Variants in ITGA1 observed in about 807,000 individuals in gnomAD.
ITGA1 encodes the protein integrin subunit alpha 1.
Under a neutral mutation model 145.9 loss-of-function variants are expected in ITGA1, and 85 were observed. The ratio of observed to expected loss-of-function variants is 0.58; its 90% confidence interval spans 0.49 to 0.70. The LOEUF (loss-of-function observed/expected upper bound fraction) is 0.70. Among genes scored for constraint, ITGA1 ranks in the 30% least tolerant of loss-of-function variants. The probability of loss-of-function intolerance (pLI) is 0.00; values close to 1 mark genes in which losing one functional copy is unlikely to be tolerated. For missense variants in ITGA1, 1,351 were observed against 1,418.7 expected (o/e 0.95, Z 0.77); for synonymous variants, 520 against 495.3 (o/e 1.05, Z -0.66).
intron 1 of ITGA1, among the ~76,000 whole-genome samples, chr5:52,791,509 A>AT (rs1413872539): frequency 6.6e-6 from 1 of 152,222 alleles, no homozygotes; most frequent in Non-Finnish European, 1.5e-5. Context: ...CCACCCTCTG[A>AT]TGTCTTGCTC....
chr5:52,811,980 T>C (rs1580040243), intron 1 of ITGA1, among the ~76,000 whole-genome samples: 1 of 152,186 alleles, frequency 6.6e-6, no homozygotes, highest in East Asian at 1.9e-4. Flanking sequence ...CCCAGGCATC[T>C]GTACATTTTA....
intron 11 of ITGA1, among the ~76,000 whole-genome samples, chr5:52,901,207 A>T (rs2111834609): frequency 6.6e-6 from 1 of 152,302 alleles, no homozygotes; most frequent in South Asian, 2.1e-4. Context: ...TTGGCTTTAA[A>T]GATGGAGGGG....
chr5:52,934,045 A>G (rs1750930595), intron 23 of ITGA1, 49 bp downstream of exon 23: 2 of 699,280 alleles, frequency 2.9e-6, no homozygotes, highest in South Asian at 3.3e-5. Context: ...ATTTGTAAAT[A>G]TATAAATTAA....
At chr5:52,892,247 T>C (rs929103334) in intron 8 of ITGA1, among the ~76,000 whole-genome samples, 2 of 152,142 alleles carry the variant, frequency 1.3e-5, no homozygotes, top group Non-Finnish European at 2.9e-5. Flanking sequence ...CTCAACATCA[T>C]TAGTCATTAG....
chr5:52,864,169 A>T (rs1368429163), intron 3 of ITGA1, among the ~76,000 whole-genome samples: 1 of 152,102 alleles, frequency 6.6e-6, no homozygotes, highest in Non-Finnish European at 1.5e-5. Context: ...TTAGGCTGGC[A>T]TGCTTCATGC....
chr5:52,844,603 T>G (rs1749306066), intron 1 of ITGA1, among the ~76,000 whole-genome samples: 1 of 152,206 alleles, frequency 6.6e-6, no homozygotes, highest in Non-Finnish European at 1.5e-5. Context: ...GCAAATTAAA[T>G]GAGAGTAACA....
At chr5:52,900,535 A>G (rs1368547424) in intron 11 of ITGA1, among the ~76,000 whole-genome samples, 2 of 152,192 alleles carry the variant, frequency 1.3e-5, no homozygotes, top group African/African-American at 4.8e-5. Context: ...GCCCGAAAAT[A>G]TGCAGGTAGT....
chr5:52,805,784 C>T (rs1030500911), intron 1 of ITGA1, among the ~76,000 whole-genome samples: 1 of 151,982 alleles, frequency 6.6e-6, no homozygotes, highest in Non-Finnish European at 1.5e-5. Flanking sequence ...ATTTGTCTCA[C>T]CAGACAAATC....
chr5:52,883,530 T>G (rs1467014552), intron 7 of ITGA1, among the ~76,000 whole-genome samples: 2 of 152,250 alleles, frequency 1.3e-5, no homozygotes, highest in Non-Finnish European at 2.9e-5. Context: ...AAGCACATTT[T>G]AATTGTTTTT....
intron 7 of ITGA1, among the ~76,000 whole-genome samples, chr5:52,883,361 A>G (rs1344080375): frequency 6.6e-6 from 1 of 152,236 alleles, no homozygotes; most frequent in Non-Finnish European, 1.5e-5. Flanking sequence ...CTGCATAAAT[A>G]CGGCTCTAAA....
At chr5:52,850,017 T>TTC (rs1195988156) in intron 2 of ITGA1, among the ~76,000 whole-genome samples, 2 of 151,784 alleles carry the variant, frequency 1.3e-5, no homozygotes, top group African/African-American at 2.4e-5. Flanking sequence ...TTTTTTTTTT[T>TTC]TCTGAGATGG....
intron 1 of ITGA1, chr5:52,802,866 A>T (rs1748516536): frequency 6.6e-6 from 1 of 152,150 alleles, no homozygotes; most frequent in African/African-American, 2.4e-5. Flanking sequence ...CTTTACTATC[A>T]TTGACTTAAA....
At chr5:52,855,958 A>C (rs1161482962) in intron 2 of ITGA1, among the ~76,000 whole-genome samples, 1 of 151,934 alleles carries the variant, frequency 6.6e-6, no homozygotes, top group Non-Finnish European at 1.5e-5. Flanking sequence ...GGGCTCCTAC[A>C]CTCTACCACT....
At chr5:52,817,595 G>A (rs1172896606) in intron 1 of ITGA1, among the ~76,000 whole-genome samples, 2 of 152,110 alleles carry the variant, frequency 1.3e-5, no homozygotes, top group African/African-American at 2.4e-5. Flanking sequence ...TCATTCCAAG[G>A]AAAGGCTAGA....
rs114083854 is a variant in ITGA1, at chr5:52,881,001, C to T, written c.625-872C>T. 2.1e-3 allele frequency among the ~76,000 whole-genome samples: 315 copies of T among 152,260 alleles called. 1 individual carries two copies. Among genetic ancestry groups the T allele is most frequent in the African/African-American group, 7.0e-3 (291 of 41,558 alleles). ...GGAAATCAAATCTGGGGGCACTTTC[C>T]CTCCTGTATTTCACTGCATGAAGGC... On this transcript the variant is annotated intron_variant, in intron 6 of 28. Transcript: ENST00000282588.
At chr5:52,804,678 T>G (rs3811977) in intron 1 of ITGA1, among the ~76,000 whole-genome samples, 39,110 of 152,122 alleles carry the variant, frequency 0.26, 5,365 homozygotes, top group Non-Finnish European at 0.3. Flanking sequence ...GGAATTATCT[T>G]TGTTCCTAAG....
At chr5:52,941,204 T>C (rs1349153907) in intron 26 of ITGA1, among the ~76,000 whole-genome samples, 3 of 152,230 alleles carry the variant, frequency 2.0e-5, no homozygotes, top group African/African-American at 7.2e-5. Context: ...GTTAATTCCA[T>C]GTCTTTGCTG....
At chr5:52,928,935 A>G (rs1360582124) in intron 20 of ITGA1, among the ~76,000 whole-genome samples, 2 of 152,170 alleles carry the variant, frequency 1.3e-5, no homozygotes, top group African/African-American at 2.4e-5. Context: ...TCATCTCCCA[A>G]AAAGTCAGAC....
chr5:52,877,701 G>A (rs1190416462), intron 6 of ITGA1, among the ~76,000 whole-genome samples: 3 of 152,162 alleles, frequency 2.0e-5, no homozygotes, highest in Non-Finnish European at 2.9e-5. Flanking sequence ...GAGCAGTCAC[G>A]GAGCCGTAAG....
Sources: allele counts gnomAD v4.1 joint callset (sites outside exome capture counted in the v4.1 genomes callset), GRCh38; gene constraint gnomAD v4.1.1; transcripts MANE v1.5; gene names NCBI Gene and HGNC (gene_info 2026-07-23, HGNC 2026-07-21).